Variants in NBAS observed in about 807,000 individuals in gnomAD.
NBAS encodes NBAS subunit of NRZ tethering complex, also known as NAG/BC035112 fusion.
Under a neutral mutation model 302.5 loss-of-function variants are expected in NBAS, and 219 were observed. That is an observed-to-expected ratio of 0.72 (90% CI 0.65 to 0.81). The LOEUF (loss-of-function observed/expected upper bound fraction) is 0.81. NBAS is among the 30% of genes least tolerant of loss of function. NBAS has a pLI of 0.00. For missense variants in NBAS, 2,932 were observed against 2,841.6 expected, an observed-to-expected ratio of 1.03 and a Z score of -0.72; for synonymous variants, 1,118 against 1,021.6, an observed-to-expected ratio of 1.09 and a Z score of -1.80.
In NBAS at chr2:15,292,482, C is replaced by T. The variant is rs577250152; in HGVS notation, c.5027+55G>A. The T allele has an allele frequency of 6.4e-6, 10 of 1,561,944 alleles. No individual in the cohort carries two copies. The African/African-American group carries it at 1.2e-4, about 19-fold the overall frequency. ...GAAATTAATAGTCCTGGTAACTGAA[C>T]TTATTCTTTTGCAGTTTAAATCCAT... On this transcript the variant is annotated intron_variant, in intron 41 of 51. Transcript: ENST00000281513.
the NBAS span, among the ~76,000 whole-genome samples, chr2:14,900,121 T>TTTTTTC: frequency 6.6e-6 from 1 of 151,926 alleles, no homozygotes; most frequent in African/African-American, 2.4e-5. Context: ...GCTTTTTTTT[T>TTTTTTC]TTTTTGACTG....
chr2:14,909,366 T>TAAAAAAAAAAAAAAAAAAAAAA, the NBAS span, among the ~76,000 whole-genome samples: 58 of 78,564 alleles, frequency 7.4e-4, 5 homozygotes, highest in Non-Finnish European at 1.1e-3. Flanking sequence ...GGAGAGTTTC[T>TAAAAAAAAAAAAAAAAAAAAAA]AAAAAAAAAA....
chr2:15,063,394 C>T, the NBAS span, among the ~76,000 whole-genome samples: 17 of 152,234 alleles, frequency 1.1e-4, no homozygotes, highest in Middle Eastern at 3.4e-3. Flanking sequence ...GCTCCAAAAT[C>T]ACTCATGGCC....
chr2:15,290,103 AGGAGAGG>A (rs1250596919), intron 41 of NBAS, among the ~76,000 whole-genome samples: 124 of 149,000 alleles, frequency 8.3e-4, no homozygotes, highest in African/African-American at 2.1e-3. Context: ...GAGGGGAGAG[AGGAGAGG>A]GGAGAGGGGA....
Position 15,427,788 on chromosome 2 carries a change from G to A in NBAS, c.2346C>T (p.Asn782=), listed in dbSNP as rs193228796. The change falls in exon 22 of 52, where the codon AAC becomes AAT. Residue 782 remains asparagine, a synonymous_variant. Coordinates refer to ENST00000281513, the MANE Select transcript of NBAS (RefSeq NM_015909.4). ...AAGGAATGATCATCAGGGAGTCACC[G>A]TTAAAACTCAAATTTAAAAAAAAAT... is the stretch of plus-strand genomic sequence containing the variant. ...YSVLLPEACF[N]GDSLMIIPWH... 66 of 1,610,858 alleles carry A rather than the reference G, an allele frequency of 4.1e-5. No individual in the cohort carries two copies. The highest frequency in any genetic ancestry group is 1.7e-4 in the Middle Eastern group (1 of 6,042).
At chr2:15,086,559 T>C in the NBAS span, among the ~76,000 whole-genome samples, 5 of 152,184 alleles carry the variant, frequency 3.3e-5, no homozygotes, top group African/African-American at 1.2e-4. Flanking sequence ...CCCAGACCTG[T>C]GAGCTTCCCA....
chr2:15,120,556 A>T, the NBAS span, among the ~76,000 whole-genome samples: 3 of 151,736 alleles, frequency 2.0e-5, no homozygotes. Context: ...TTTATGGCTC[A>T]TTTAAAGTCC....
chr2:15,351,078 A>G (rs1232115135), intron 35 of NBAS, among the ~76,000 whole-genome samples: 2 of 152,190 alleles, frequency 1.3e-5, no homozygotes, highest in African/African-American at 4.8e-5. Flanking sequence ...AATTGAAAAC[A>G]AACCAAGGTC....
the NBAS span, among the ~76,000 whole-genome samples, chr2:14,812,165 C>T: frequency 3.9e-5 from 6 of 152,178 alleles, no homozygotes; most frequent in East Asian, 7.7e-4. Flanking sequence ...CCTCAGCTTC[C>T]TGGAGGCAGG....
At chr2:15,530,680 C>G (rs1473113827) in intron 9 of NBAS, among the ~76,000 whole-genome samples, 2 of 151,706 alleles carry the variant, frequency 1.3e-5, no homozygotes, top group Non-Finnish European at 2.9e-5. Context: ...AAAAAAATTA[C>G]AGGTCATTCT....
intron 44 of NBAS, among the ~76,000 whole-genome samples, chr2:15,248,266 A>G (rs929443039): frequency 2.6e-5 from 4 of 152,230 alleles, no homozygotes; most frequent in African/African-American, 9.6e-5. Flanking sequence ...GAGAACAAAG[A>G]CACAATGTAC....
At chr2:15,402,466 C>T (rs1676202487) in intron 25 of NBAS, among the ~76,000 whole-genome samples, 165 bp from the exon 26 acceptor site, 1 of 152,098 alleles carries the variant, frequency 6.6e-6, no homozygotes, top group Non-Finnish European at 1.5e-5. Flanking sequence ...ATAATTCTAA[C>T]TGAAATCACA....
At chr2:14,894,701 G>C in the NBAS span, among the ~76,000 whole-genome samples, 1 of 152,102 alleles carries the variant, frequency 6.6e-6, no homozygotes, top group Non-Finnish European at 1.5e-5. Flanking sequence ...GGGTCACAAG[G>C]ACTCTAAGTC....
chr2:14,878,951 T>C, the NBAS span, among the ~76,000 whole-genome samples: 1 of 152,238 alleles, frequency 6.6e-6, no homozygotes, highest in African/African-American at 2.4e-5. Flanking sequence ...CCGTGATCTG[T>C]CTGTTTACCT....
the NBAS span, among the ~76,000 whole-genome samples, chr2:15,155,560 TCTC>T: frequency 6.6e-6 from 1 of 152,144 alleles, no homozygotes. Flanking sequence ...GCTTGGGTCA[TCTC>T]CTCAAGGCTT....
chr2:15,165,531 C>A (rs1014152467), downstream of NBAS, among the ~76,000 whole-genome samples: 1 of 152,216 alleles, frequency 6.6e-6, no homozygotes, highest in African/African-American at 2.4e-5. Flanking sequence ...GAGGACTCTG[C>A]AGCTCTGCAG....
At chr2:15,492,893 C>T (rs989427597) in intron 11 of NBAS, among the ~76,000 whole-genome samples, 9 of 152,154 alleles carry the variant, frequency 5.9e-5, no homozygotes, top group Non-Finnish European at 1.3e-4. Flanking sequence ...ATTCTATGAA[C>T]AGAGTCTGTG....
chr2:15,315,018 G>A (rs1294456744), intron 38 of NBAS, among the ~76,000 whole-genome samples: 2 of 152,186 alleles, frequency 1.3e-5, no homozygotes, highest in South Asian at 2.1e-4. Context: ...TGGGTTGGGC[G>A]TGTGCTGGGA....
At chr2:15,403,425 T>C (rs1287932663) in intron 25 of NBAS, among the ~76,000 whole-genome samples, 1 of 152,204 alleles carries the variant, frequency 6.6e-6, no homozygotes, top group Non-Finnish European at 1.5e-5. Context: ...ATCCAAAATA[T>C]CTGGGGGAAA....
Sources: gnomAD v4.1 joint callset for allele counts (sites outside exome capture counted in the v4.1 genomes callset) on GRCh38, gnomAD v4.1.1 for gene constraint, MANE v1.5 for transcripts, NCBI Gene and HGNC (gene_info 2026-07-23, HGNC 2026-07-21) for gene names.